The following EXPH5 variants were observed in gnomAD, a reference collection of about 807,000 sequenced individuals.
EXPH5 encodes the protein exophilin 5.
A neutral mutation model predicts 41.1 loss-of-function variants in EXPH5; 42 were observed. The ratio of observed to expected loss-of-function variants is 1.02; its 90% confidence interval spans 0.80 to 1.32. The LOEUF (loss-of-function observed/expected upper bound fraction) is 1.32. EXPH5 is among the 40% of genes most tolerant of loss of function. EXPH5 has a pLI of 0.00. For missense variants in EXPH5, 2,298 were observed against 2,314.5 expected, an observed-to-expected ratio of 0.99 and a Z score of 0.15; for synonymous variants, 798 against 833.5, an observed-to-expected ratio of 0.96 and a Z score of 0.73.
intron 1 of EXPH5, among the ~76,000 whole-genome samples, chr11:108,574,059 G>A (rs560251029): frequency 2.0e-5 from 3 of 149,734 alleles, no homozygotes; most frequent in East Asian, 1.9e-4. Flanking sequence ...TCGCCACCAC[G>A]CCCGGCTAAT....
intron 5 of EXPH5, among the ~76,000 whole-genome samples, chr11:108,517,561 T>C (rs1565785837): frequency 1.3e-5 from 2 of 152,252 alleles, no homozygotes; most frequent in Non-Finnish European, 2.9e-5. Context: ...AAAAGTAAAC[T>C]ATGATCATAT....
At chr11:108,586,056 A>C (rs936243193) in intron 1 of EXPH5, among the ~76,000 whole-genome samples, 1 of 152,176 alleles carries the variant, frequency 6.6e-6, no homozygotes, top group African/African-American at 2.4e-5. Context: ...CTCCTGCTTC[A>C]GCTTCCTGAG....
chr11:108,536,807 G>A (rs897019484), intron 3 of EXPH5, among the ~76,000 whole-genome samples: 1 of 152,158 alleles, frequency 6.6e-6, no homozygotes, highest in Non-Finnish European at 1.5e-5. Context: ...TGATAAGCAC[G>A]TTTTAAAGTG....
intron 1 of EXPH5, among the ~76,000 whole-genome samples, chr11:108,572,164 G>A (rs528400547): frequency 3.3e-5 from 5 of 152,282 alleles, no homozygotes; most frequent in African/African-American, 7.2e-5. Flanking sequence ...TTGTGGGCAC[G>A]ACAGCATTTG....
Position 108,509,295 on chromosome 11 carries a change from G to A in EXPH5, c.*242C>T, listed in dbSNP as rs2093660955. 2 of 338,466 alleles carry A rather than the reference G, an allele frequency of 5.9e-6. No homozygotes were observed. The highest frequency in any genetic ancestry group is 4.2e-5 in the African/African-American group (2 of 47,298). The allele number at this position is 338,466 out of a possible 1,614,324, so 21.0% of individuals were successfully genotyped here. ...GGGATTAAGTGGGAGTGGTGGAAAG[G>A]CAGGCTAAGAACATTTACAGAGATA... On this transcript the variant is annotated 3_prime_UTR_variant, in exon 6 of 6. Transcript: ENST00000265843.
In EXPH5 at chr11:108,509,391, TG is replaced by T; in HGVS notation, c.*145del. 1.5e-6 allele frequency: 1 copy of T among 654,946 alleles called. No homozygotes were observed. The highest frequency in any genetic ancestry group is 2.5e-6 in the Non-Finnish European group (1 of 399,310). 40.6% of individuals were successfully genotyped at this position (654,946 alleles called of 1,614,324 possible). A position where few individuals can be genotyped will look rare whatever the true frequency, so the allele number is the denominator to read the frequency against. ...ATTCAGGAAGTGTCTATATAGGGTG[TG>T]GAGGAAAAAAAAGGAGATGTGGGAC... On this transcript the variant is annotated 3_prime_UTR_variant, in exon 6 of 6. Transcript: ENST00000265843.
chr11:108,532,366 ATTTTTTTTTTTTT>A (rs1168217383), intron 3 of EXPH5, among the ~76,000 whole-genome samples: 9 of 32,134 alleles, frequency 2.8e-4, no homozygotes, highest in Admixed American at 1.6e-3. Flanking sequence ...ATATATATAT[ATTTTTTTTTTTTT>A]TTTTTTTTTT....
the EXPH5 span, among the ~76,000 whole-genome samples, chr11:108,607,034 T>A: frequency 6.6e-6 from 1 of 152,152 alleles, no homozygotes; most frequent in Non-Finnish European, 1.5e-5. Context: ...GGAAGTTCTT[T>A]GAAATAGGAA....
In EXPH5 at chr11:108,514,032, T is replaced by C. The variant is rs764720812; in HGVS notation, c.1475A>G (p.Asp492Gly). ...GQEKGHSFWS[D>G]FHRSRKSFSS... ...GAATGATTTCCTGCTTCGATGAAAG[T>C]CAGACCAGAAAGAATGTCCTTTCTC... Residue 492 changes from aspartate (D) to glycine (G), a missense_variant, in exon 6 of 6, where the codon GAC becomes GGC. By Grantham distance (94) the Asp-to-Gly change is moderately conservative (BLOSUM62 -1). Transcript: ENST00000265843. 1.2e-6 allele frequency: 2 copies of C among 1,614,106 alleles called. No individual in the cohort carries two copies. Among genetic ancestry groups the C allele is most frequent in the Admixed American group, 1.7e-5 (1 of 60,024 alleles).
chr11:108,521,431 A>G (rs1257425007), intron 4 of EXPH5, among the ~76,000 whole-genome samples: 3 of 152,184 alleles, frequency 2.0e-5, no homozygotes, highest in African/African-American at 4.8e-5. Context: ...GCAAGCCACA[A>G]TTGACTACTC....
At chr11:108,555,592 C>A (rs1033001742) in intron 1 of EXPH5, among the ~76,000 whole-genome samples, 2 of 152,082 alleles carry the variant, frequency 1.3e-5, no homozygotes, top group African/African-American at 4.8e-5. Context: ...GTGTCCCCAC[C>A]CAAAATCTCA....
Position 108,588,126 on chromosome 11 carries a change from C to T in EXPH5, c.119+5292G>A, listed in dbSNP as rs117274446. ...GGTTAAAGTCCCTTTAAATGTGATT[C>T]CCCAAAGATAATCATTTTAACAGTA... On this transcript the variant is annotated intron_variant, in intron 1 of 5. Transcript: ENST00000265843. 8.1e-4 allele frequency among the ~76,000 whole-genome samples: 124 copies of T among 152,278 alleles called. 1 individual carries two copies. The East Asian group carries it at 0.021, about 25-fold the overall frequency.
intron 3 of EXPH5, among the ~76,000 whole-genome samples, chr11:108,537,583 A>G (rs2093887301): frequency 6.6e-6 from 1 of 152,246 alleles, no homozygotes; most frequent in African/African-American, 2.4e-5. Flanking sequence ...ATGTTGCAAG[A>G]GTTTTAATTT....
intron 1 of EXPH5, among the ~76,000 whole-genome samples, chr11:108,568,506 A>G (rs1425286116): frequency 6.6e-6 from 1 of 151,428 alleles, no homozygotes; most frequent in Non-Finnish European, 1.5e-5. Flanking sequence ...ATCTGTCCAC[A>G]CCTCCCCCCA....
chr11:108,556,864 C>T lies in EXPH5; in HGVS notation c.120-15052G>A, dbSNP rs116224860. 1.4e-3 allele frequency among the ~76,000 whole-genome samples: 212 copies of T among 152,316 alleles called. 1 individual carries two copies. Among genetic ancestry groups the T allele is most frequent in the African/African-American group, 4.7e-3 (194 of 41,558 alleles). On this transcript the variant is annotated intron_variant, in intron 1 of 5. Transcript: ENST00000265843. ...ATCCCTCCAGCAGCTTCTCATCATG[C>T]TTAGAATACAATGTTAAACTCTGTG...
intron 3 of EXPH5, among the ~76,000 whole-genome samples, chr11:108,531,470 T>G (rs1005980067): frequency 1.3e-5 from 2 of 152,136 alleles, no homozygotes; most frequent in Admixed American, 6.6e-5. Context: ...TAATATGACA[T>G]AAGGCTTTTC....
chr11:108,527,878 T>C (rs2093810394), intron 4 of EXPH5, among the ~76,000 whole-genome samples: 1 of 152,178 alleles, frequency 6.6e-6, no homozygotes, highest in African/African-American at 2.4e-5. Context: ...GGGCAACACG[T>C]GGCAAAATAT....
Position 108,505,494 on chromosome 11 carries a change from C to G in EXPH5, c.*4043G>C, listed in dbSNP as rs1191787055. On this transcript the variant is annotated 3_prime_UTR_variant, in exon 6 of 6. Coordinates refer to ENST00000265843, the MANE Select transcript of EXPH5 (RefSeq NM_015065.3). ...TTTTAAATTTGCACCTTGTCTTTAA[C>G]ACATTTCATAACCAGAGAACAGGTC... 6.6e-6 allele frequency: 1 copy of G among 152,134 alleles called. No individual in the cohort carries two copies. The highest frequency in any genetic ancestry group is 6.5e-5 in the Admixed American group (1 of 15,278). The allele number at this position is 152,134 out of a possible 1,614,324, so 9.4% of individuals were successfully genotyped here.
At chr11:108,578,612 T>A (rs1231186343) in intron 1 of EXPH5, among the ~76,000 whole-genome samples, 2 of 152,224 alleles carry the variant, frequency 1.3e-5, no homozygotes, top group African/African-American at 2.4e-5. Flanking sequence ...ATTCTATAGA[T>A]CACTTTGTGT....
Sources: gnomAD v4.1 joint callset for allele counts (sites outside exome capture counted in the v4.1 genomes callset) on GRCh38, gnomAD v4.1.1 for gene constraint, MANE v1.5 for transcripts, NCBI Gene and HGNC (gene_info 2026-07-23, HGNC 2026-07-21) for gene names.